Variants in BRD8 observed in about 807,000 individuals in gnomAD.
BRD8 encodes bromodomain containing 8, also known as bromodomain-containing protein 8.
A neutral mutation model predicts 143.1 loss-of-function variants in BRD8; 67 were observed. That is an observed-to-expected ratio of 0.47 (90% confidence interval 0.38 to 0.57). The LOEUF (loss-of-function observed/expected upper bound fraction) is 0.57, where lower values mean the gene tolerates loss of function less well. Ranked by LOEUF, BRD8 falls within the 20% of genes least tolerant of loss-of-function variation. BRD8 has a pLI of 0.00. For missense variants in BRD8, 1,103 were observed against 1,503.0 expected (o/e 0.73, Z 4.40); for synonymous variants, 505 against 517.1 (o/e 0.98, Z 0.32).
intron 2 of BRD8, among the ~76,000 whole-genome samples, chr5:138,176,603 G>A (rs1022855156): frequency 6.6e-6 from 1 of 152,054 alleles, no homozygotes; most frequent in Admixed American, 6.6e-5. Flanking sequence ...GAAAGTAGAT[G>A]AGTGCTTGCT....
Position 138,170,364 on chromosome 5 carries a change from A to G in BRD8, c.486T>C (p.Ala162=). 1 of 1,613,606 alleles carries G rather than the reference A, an allele frequency of 6.2e-7. No individual in the cohort carries two copies. Among genetic ancestry groups the G allele is most frequent in the Non-Finnish European group, 8.5e-7 (1 of 1,179,502 alleles). The change falls in exon 7 of 27, where the codon GCT becomes GCC. Residue 162 remains alanine, a synonymous_variant. Coordinates refer to ENST00000254900, the MANE Select transcript of BRD8 (RefSeq NM_139199.2). ...GCTTACCCTGGTATGCAGCATCTGT[A>G]GCCTTCCTCTTTACTTCAGCCTCCT... is the stretch of plus-strand genomic sequence containing the variant. ...EEEEAEVKRK[A]TDAAYQARQA...
rs762607255 is a variant in BRD8 at position 138,161,830 on chromosome 5, C to T, written c.2215G>A (p.Asp739Asn). 6.2e-7 allele frequency: 1 copy of T among 1,614,114 alleles called. No homozygotes were observed. Among genetic ancestry groups the T allele is most frequent in the Non-Finnish European group, 8.5e-7 (1 of 1,180,010 alleles). Residue 739 changes from aspartate (D) to asparagine (N), a missense_variant, in exon 17 of 27, where the codon GAC becomes AAC. Asp to Asn is a conservative substitution (Grantham distance 23). Around this residue, in one of 7 missense-constraint regions of BRD8, gnomAD observed 64 missense variants for 211.3 expected, o/e 0.30. Coordinates refer to ENST00000254900, the MANE Select transcript of BRD8 (RefSeq NM_139199.2). ...ATGCTGTGGTAGCCAGGTGCTATGT[C>T]ATCTGTAACAGGCTGCAGGAAGACA... Reference protein sequence around the residue: ...ANVFLQPVTDDIAPGYHSIVQ... With the variant: ...ANVFLQPVTDNIAPGYHSIVQ...
At chr5:138,155,363 C>T (rs570958013) in intron 20 of BRD8, among the ~76,000 whole-genome samples, 4 of 150,808 alleles carry the variant, frequency 2.7e-5, no homozygotes, top group Non-Finnish European at 5.9e-5. Flanking sequence ...GCAGGAGAAT[C>T]GCTTGCACCT....
intron 17 of BRD8, 158 bp from the exon 18 acceptor site, chr5:138,161,226 C>A: frequency 1.8e-6 from 1 of 548,940 alleles, no homozygotes; most frequent in Non-Finnish European, 3.1e-6. Flanking sequence ...GCACTTAACC[C>A]AAGAAACAAT....
rs1752140421 is a variant in BRD8 at position 138,146,147 on chromosome 5, TC to T, written c.3279-270del. On this transcript the variant is annotated intron_variant, in intron 23 of 26. Coordinates refer to ENST00000254900, the MANE Select transcript of BRD8 (RefSeq NM_139199.2). ...ATCTCAGCTCACTGCAACCTCTGCC[TC>T]CCGGGTTCCAGCGATTCTCCTGCCT... Among the ~76,000 whole-genome samples, 3 of 151,798 alleles carry T rather than the reference TC, an allele frequency of 2.0e-5. No homozygotes were observed. The South Asian group carries it at 6.3e-4, about 32-fold the overall frequency.
At chr5:138,149,376 C>T (rs1752289974) in intron 23 of BRD8, among the ~76,000 whole-genome samples, 1 of 152,110 alleles carries the variant, frequency 6.6e-6, no homozygotes, top group Non-Finnish European at 1.5e-5. Context: ...GCCTTGGCCT[C>T]CCAAAGTGCT....
At chr5:138,144,024 AC>A (rs1283460345) in intron 25 of BRD8, among the ~76,000 whole-genome samples, 1 of 152,080 alleles carries the variant, frequency 6.6e-6, no homozygotes, top group East Asian at 1.9e-4. Context: ...GGTCCGCACT[AC>A]CTTTATGAAC....
intron 8 of BRD8, 51 bp downstream of exon 8, chr5:138,169,171 C>T (rs374758412): frequency 1.5e-4 from 239 of 1,587,948 alleles, no homozygotes; most frequent in Middle Eastern, 3.8e-4. Flanking sequence ...TCAGCTCTGC[C>T]GGCTTATTGC....
chr5:138,163,186 T>A lies in BRD8; in HGVS notation c.2031A>T (p.Thr677=), dbSNP rs1331562070. 5.0e-6 allele frequency: 8 copies of A among 1,614,116 alleles called. No homozygotes were observed. Among genetic ancestry groups the A allele is most frequent in the Non-Finnish European group, 6.8e-6 (8 of 1,180,028 alleles). ...SDDGFSIHNA[T]LQSHTLADSI... The stretch of plus-strand genomic sequence containing the variant: ...AGTCTGCCAGTGTGTGTGACTGCAG[T>A]GTAGCATTGTGTATGCTGAAGCCAT... The change falls in exon 15 of 27, where the codon ACA becomes ACT. Residue 677 remains threonine, a synonymous_variant. Coordinates refer to ENST00000254900, the MANE Select transcript of BRD8 (RefSeq NM_139199.2).
intron 11 of BRD8, 79 bp downstream of exon 11, chr5:138,165,749 C>G (rs1753364019): frequency 7.4e-7 from 1 of 1,348,894 alleles, no homozygotes; most frequent in Non-Finnish European, 9.9e-7. Flanking sequence ...AAAAAAGCAG[C>G]AGCAGCACCA....
intron 9 of BRD8, among the ~76,000 whole-genome samples, chr5:138,167,276 C>A (rs914227988): frequency 1.6e-4 from 24 of 150,980 alleles, no homozygotes; most frequent in African/African-American, 4.1e-4. Flanking sequence ...TCAAAAAAAA[C>A]AACAACAACA....
chr5:138,166,859 G>A (rs1753468492), intron 9 of BRD8, 132 bp from the exon 10 acceptor site: 1 of 661,672 alleles, frequency 1.5e-6, no homozygotes, highest in Non-Finnish European at 2.7e-6. Flanking sequence ...CATTGAATAA[G>A]TTCATCATCT....
intron 23 of BRD8, 68 bp from the exon 24 acceptor site, chr5:138,145,946 G>A: frequency 7.5e-7 from 1 of 1,329,974 alleles, no homozygotes; most frequent in Non-Finnish European, 1.1e-6. Flanking sequence ...CCCCCAGGTG[G>A]GTAATGAGGT....
intron 25 of BRD8, among the ~76,000 whole-genome samples, chr5:138,144,210 C>T (rs1286778000): frequency 2.0e-5 from 3 of 151,986 alleles, no homozygotes; most frequent in East Asian, 1.9e-4. Flanking sequence ...CTGGGAGGAA[C>T]GAACAACTCC....
chr5:138,164,032 T>A, intron 14 of BRD8, 55 bp downstream of exon 14: 1 of 1,549,304 alleles, frequency 6.5e-7, no homozygotes, highest in Non-Finnish European at 8.9e-7. Flanking sequence ...TAAAAAGTAG[T>A]GCTATAGGGA....
At chr5:138,157,091 G>T in intron 20 of BRD8, 3 of 1,559,780 alleles carry the variant, frequency 1.9e-6, no homozygotes, top group South Asian at 2.4e-5. Context: ...CTCATGTCGT[G>T]TGGCCCAGGT....
intron 7 of BRD8, 48 bp downstream of exon 7, chr5:138,170,297 C>CA (rs1236347742): frequency 2.5e-6 from 3 of 1,214,886 alleles, no homozygotes; most frequent in Non-Finnish European, 3.7e-6. Flanking sequence ...CATTAGCATG[C>CA]AGTACTGTGC....
chr5:138,172,952 A>G (rs1008405068), intron 2 of BRD8: 1 of 180,394 alleles, frequency 5.5e-6, no homozygotes, highest in Non-Finnish European at 1.2e-5. Flanking sequence ...TTGCTCACAT[A>G]AAATTTTGCT....
intron 20 of BRD8, chr5:138,156,988 G>A (rs1752644642): frequency 7.3e-7 from 1 of 1,368,642 alleles, no homozygotes; most frequent in African/African-American, 1.5e-5. Flanking sequence ...GCTACGATCT[G>A]CTAGCTACAC....
Sources: allele counts gnomAD v4.1 joint callset (sites outside exome capture counted in the v4.1 genomes callset), GRCh38; gene constraint gnomAD v4.1.1; regional missense constraint gnomAD v4.1.1; transcripts MANE v1.5; gene names NCBI Gene and HGNC (gene_info 2026-07-23, HGNC 2026-07-21).